Variants in KHDRBS2 observed in about 807,000 individuals in gnomAD.
KHDRBS2 encodes the protein KH RNA binding domain containing, signal transduction associated 2, also known as KH domain-containing, RNA-binding, signal transduction-associated protein 2.
In KHDRBS2, 26 loss-of-function variants were observed where a neutral mutation model predicts 44.3. The ratio of observed to expected loss-of-function variants is 0.59; its 90% CI spans 0.43 to 0.81. The LOEUF (loss-of-function observed/expected upper bound fraction) is 0.81. KHDRBS2 is among the 40% of genes least tolerant of loss of function. The pLI, the probability that KHDRBS2 is intolerant of heterozygous loss-of-function variation, is 0.00. For synonymous variants in KHDRBS2, 194 were observed against 151.1 expected (o/e 1.28, Z -2.08); for missense variants, 476 against 433.1 (o/e 1.10, Z -0.88).
At chr6:61,786,996 C>A (rs1192066) in intron 6 of KHDRBS2, among the ~76,000 whole-genome samples, 1 of 148,932 alleles carries the variant, frequency 6.7e-6, no homozygotes, top group Non-Finnish European at 1.5e-5. Context: ...ATATTTTATA[C>A]AATTGTCAGT....
chr6:62,054,321 G>A (rs763424658), intron 2 of KHDRBS2, among the ~76,000 whole-genome samples: 8 of 151,936 alleles, frequency 5.3e-5, no homozygotes, highest in Non-Finnish European at 1.5e-5. Flanking sequence ...TCCAGTCCTG[G>A]GGCACAGATA....
intron 4 of KHDRBS2, among the ~76,000 whole-genome samples, chr6:61,967,953 T>C (rs1478022301): frequency 1.6e-5 from 2 of 122,662 alleles, no homozygotes; most frequent in African/African-American, 6.1e-5. Flanking sequence ...TATATATATA[T>C]ATATACACAC....
At chr6:62,129,346 A>G (rs1029705405) in intron 2 of KHDRBS2, among the ~76,000 whole-genome samples, 7 of 152,134 alleles carry the variant, frequency 4.6e-5, no homozygotes, top group African/African-American at 1.4e-4. Flanking sequence ...CATCCATCAC[A>G]GGTACAGAGA....
chr6:62,153,328 C>T lies in KHDRBS2; in HGVS notation c.219+23857G>A, dbSNP rs188240637. The stretch of plus-strand genomic sequence containing the variant: ...ATGTCTGTTTATTGTAAAATAAAAT[C>T]CAGTTAGTAATAAAGAAAAAAAAAT... On this transcript the variant is annotated intron_variant, in intron 2 of 8. Transcript: ENST00000281156. 2.3e-3 allele frequency among the ~76,000 whole-genome samples: 342 copies of T among 151,986 alleles called. 2 individuals are homozygous for T. The highest frequency in any genetic ancestry group is 8.0e-3 in the African/African-American group (331 of 41,464).
intron 2 of KHDRBS2, among the ~76,000 whole-genome samples, chr6:62,169,160 TAC>T (rs1248344322): frequency 1.2e-5 from 1 of 85,268 alleles, no homozygotes; most frequent in Admixed American, 1.0e-4. Context: ...TATATATACG[TAC>T]ACATATATGT....
chr6:61,926,555 C>G (rs1402417748), intron 4 of KHDRBS2, among the ~76,000 whole-genome samples: 2 of 152,054 alleles, frequency 1.3e-5, no homozygotes, highest in African/African-American at 2.4e-5. Context: ...GAATGGCACT[C>G]CTAGGCAGGT....
At chr6:61,715,735 C>G (rs541067338) in intron 7 of KHDRBS2, among the ~76,000 whole-genome samples, 30 of 151,548 alleles carry the variant, frequency 2.0e-4, no homozygotes, top group Admixed American at 9.9e-4. Context: ...ACAAATAGTC[C>G]TCTGTATTTT....
intron 1 of KHDRBS2, among the ~76,000 whole-genome samples, chr6:62,202,501 G>A (rs1249646619): frequency 7.4e-6 from 1 of 135,760 alleles, no homozygotes; most frequent in Non-Finnish European, 1.7e-5. Flanking sequence ...GAAAAACAGA[G>A]AGAGAGATTT....
At chr6:61,938,423 T>C (rs2127373136) in intron 4 of KHDRBS2, among the ~76,000 whole-genome samples, 1 of 152,270 alleles carries the variant, frequency 6.6e-6, no homozygotes, top group East Asian at 1.9e-4. Flanking sequence ...TTTGAGACAA[T>C]CATGATTATA....
chr6:61,544,956 G>A, the KHDRBS2 span, among the ~76,000 whole-genome samples: 2 of 152,038 alleles, frequency 1.3e-5, no homozygotes, highest in African/African-American at 4.8e-5. Flanking sequence ...GCGAGGGATA[G>A]CATTAGGAGA....
chr6:62,066,887 T>C (rs1271603537), intron 2 of KHDRBS2, among the ~76,000 whole-genome samples: 2 of 151,630 alleles, frequency 1.3e-5, no homozygotes, highest in African/African-American at 4.8e-5. Context: ...AAATTAACTA[T>C]AGTGTTGTTT....
intron 1 of KHDRBS2, among the ~76,000 whole-genome samples, chr6:62,256,874 C>G (rs1837474539): frequency 6.6e-6 from 1 of 152,008 alleles, no homozygotes; most frequent in African/African-American, 2.4e-5. Flanking sequence ...TTCCTTAATC[C>G]TGTCTCCCCA....
At chr6:62,050,444 G>T (rs746932531) in intron 2 of KHDRBS2, among the ~76,000 whole-genome samples, 1 of 151,048 alleles carries the variant, frequency 6.6e-6, no homozygotes, top group Non-Finnish European at 1.5e-5. Flanking sequence ...AAAAAAAAGG[G>T]GGTGAGAAAA....
At chr6:62,126,865 C>T (rs992310145) in intron 2 of KHDRBS2, among the ~76,000 whole-genome samples, 3 of 152,142 alleles carry the variant, frequency 2.0e-5, no homozygotes, top group African/African-American at 7.2e-5. Flanking sequence ...AGCTTTAGAA[C>T]CATGATTTAT....
the KHDRBS2 span, among the ~76,000 whole-genome samples, chr6:61,590,521 G>GAT: frequency 1.4e-4 from 21 of 152,220 alleles, no homozygotes; most frequent in Admixed American, 1.0e-3. Flanking sequence ...ACTCAAACAT[G>GAT]ATATATATAA....
chr6:61,845,832 A>C (rs1794332112), intron 6 of KHDRBS2, among the ~76,000 whole-genome samples: 1 of 152,068 alleles, frequency 6.6e-6, no homozygotes, highest in South Asian at 2.1e-4. Context: ...TGTAACTATC[A>C]TTTCCAGGTG....
intron 4 of KHDRBS2, among the ~76,000 whole-genome samples, chr6:61,942,903 A>G (rs561003602): frequency 6.6e-6 from 1 of 150,732 alleles, no homozygotes; most frequent in African/African-American, 2.4e-5. Context: ...AGGCCATGAG[A>G]GAATGGGAAG....
At chr6:61,698,338 T>C (rs1480240353) in intron 7 of KHDRBS2, among the ~76,000 whole-genome samples, 2 of 152,138 alleles carry the variant, frequency 1.3e-5, no homozygotes, top group Non-Finnish European at 2.9e-5. Flanking sequence ...TCTTTTCTAT[T>C]CATACTTACT....
intron 2 of KHDRBS2, among the ~76,000 whole-genome samples, chr6:62,082,827 C>G (rs905927615): frequency 3.3e-5 from 5 of 152,216 alleles, no homozygotes; most frequent in Non-Finnish European, 5.9e-5. Flanking sequence ...ACTAGTTGCT[C>G]CTGAGGCTCA....
Sources: gnomAD v4.1 joint callset for allele counts (sites outside exome capture counted in the v4.1 genomes callset) on GRCh38, gnomAD v4.1.1 for gene constraint, MANE v1.5 for transcripts, NCBI Gene and HGNC (gene_info 2026-07-23, HGNC 2026-07-21) for gene names.